The following TCEA3 variants were observed in gnomAD, a reference collection of about 807,000 sequenced individuals.
The protein encoded by TCEA3 is transcription elongation factor A3, also known as transcription elongation factor A protein 3.
TCEA3 carries 36 observed loss-of-function variants against 44.0 expected under a neutral mutation model. That is an observed-to-expected ratio of 0.82 (90% confidence interval 0.63 to 1.08). TCEA3 has a LOEUF of 1.08. Among genes scored for constraint, TCEA3 ranks in the 50% least tolerant of loss-of-function variants. The pLI is 0.00. For synonymous variants in TCEA3, 162 were observed against 159.7 expected (o/e 1.01, Z -0.11); for missense variants, 392 against 441.2 (o/e 0.89, Z 1.00).
intron 5 of TCEA3, among the ~76,000 whole-genome samples, chr1:23,407,702 C>T (rs555978583): frequency 6.6e-6 from 1 of 152,214 alleles, no homozygotes; most frequent in Non-Finnish European, 1.5e-5. Context: ...CTGAACTTTA[C>T]CTGTCTCCCC....
chr1:23,415,115 C>T (rs570141558), intron 4 of TCEA3, among the ~76,000 whole-genome samples: 2 of 148,540 alleles, frequency 1.3e-5, no homozygotes, highest in African/African-American at 2.5e-5. Context: ...CCTCTGCTCC[C>T]GGGTTCAAGT....
rs1369359960 is a variant in TCEA3 at position 23,417,893 on chromosome 1, T to C, written c.238+11A>G. On this transcript the variant is annotated intron_variant, in intron 3 of 10. Coordinates refer to ENST00000450454, the MANE Select transcript of TCEA3 (RefSeq NM_003196.3). ...AAAAACAGGGCTCAAGACAACCTTGTCCTCTCTCACCTAGCAGCCGCTTCC... is the reference window on the plus strand; with the variant it reads ...AAAAACAGGGCTCAAGACAACCTTGCCCTCTCTCACCTAGCAGCCGCTTCC... 3 of 1,613,300 alleles carry C rather than the reference T, an allele frequency of 1.9e-6. No homozygotes were observed. In the African/African-American group the frequency reaches 4.0e-5, roughly 22 times the overall value.
chr1:23,424,235 T>C (rs961931641), intron 1 of TCEA3, among the ~76,000 whole-genome samples: 7 of 134,764 alleles, frequency 5.2e-5, no homozygotes, highest in Admixed American at 8.1e-5. Flanking sequence ...CCCAAAGTCC[T>C]TTCCCACGTC....
intron 7 of TCEA3, among the ~76,000 whole-genome samples, chr1:23,395,553 T>C (rs1489040641): frequency 6.6e-6 from 1 of 152,042 alleles, no homozygotes. Flanking sequence ...AGGCTGGGGG[T>C]GGTGGCTCAC....
Position 23,397,914 on chromosome 1 carries a change from G to C in TCEA3, c.485C>G (p.Pro162Arg). The change falls in exon 6 of 11, where the codon CCT becomes CGT. Residue 162 changes from proline (P) to arginine (R), a missense_variant. Pro to Arg is a moderately radical substitution (Grantham distance 103). Transcript: ENST00000450454. ...SKSKAESPKT[P>R]SSPLTPTFAS... ...AAACGTGGGGGTCAAGGGGCTGCTA[G>C]GTGTTTTGGGGCTCTCCGCTTTTGA... is the stretch of plus-strand genomic sequence containing the variant. The C allele has an allele frequency of 1.2e-6, 2 of 1,613,778 alleles. No individual in the cohort carries two copies. Among genetic ancestry groups the C allele is most frequent in the Non-Finnish European group, 1.7e-6 (2 of 1,179,840 alleles).
Position 23,397,873 on chromosome 1 carries a change from G to A in TCEA3, c.526C>T (p.Leu176Phe). Reference sequence around the variant, plus strand: ...CCTGTGAGATAGCAGGGGGCCAGGAGACACATGGAAGAGGCAAACGTGGGG... The same window carrying A: ...CCTGTGAGATAGCAGGGGGCCAGGAAACACATGGAAGAGGCAAACGTGGGG... ...LTPTFASSMC[L>F]LAPCYLTGDS... The change falls in exon 6 of 11, where the codon CTC (leucine) becomes TTC (phenylalanine). Residue 176 changes from leucine (L) to phenylalanine (F), a missense_variant. By Grantham distance (22) the Leu-to-Phe change is conservative. Coordinates refer to ENST00000450454, the MANE Select transcript of TCEA3 (RefSeq NM_003196.3). 6.2e-7 allele frequency: 1 copy of A among 1,613,942 alleles called. No homozygotes were observed. The highest frequency in any genetic ancestry group is 8.5e-7 in the Non-Finnish European group (1 of 1,179,864).
Position 23,419,043 on chromosome 1 carries a change from G to A in TCEA3, c.132+34C>T, listed in dbSNP as rs549546599. On this transcript the variant is annotated intron_variant, in intron 2 of 10. Coordinates refer to ENST00000450454, the MANE Select transcript of TCEA3 (RefSeq NM_003196.3). ...CCCTCCCCCACCAGCTCTCCCCCCAGGCACTGTCCCAAGGCTTCCCACCCC... is the reference window on the plus strand; with the variant it reads ...CCCTCCCCCACCAGCTCTCCCCCCAAGCACTGTCCCAAGGCTTCCCACCCC... 114 of 335,158 alleles carry A rather than the reference G, an allele frequency of 3.4e-4. 2 individuals carry two copies. In the African/African-American group the frequency reaches 5.7e-3, roughly 17 times the overall value. The allele number at this position is 335,158 out of a possible 1,614,324, so 20.8% of individuals were successfully genotyped here. A position where few individuals can be genotyped will look rare whatever the true frequency, so the allele number is the denominator to read the frequency against.
intron 8 of TCEA3, among the ~76,000 whole-genome samples, chr1:23,392,476 CACA>C (rs1432862025): frequency 2.9e-3 from 6 of 2,058 alleles, no homozygotes; most frequent in African/African-American, 5.5e-3. Flanking sequence ...TCATACACAC[CACA>C]CACTCCACAC....
intron 5 of TCEA3, among the ~76,000 whole-genome samples, chr1:23,406,428 C>T (rs1302129489): frequency 6.6e-6 from 1 of 152,146 alleles, no homozygotes; most frequent in Non-Finnish European, 1.5e-5. Context: ...CCCATGGACC[C>T]TAATCGTTCT....
chr1:23,419,040 C>T (rs751413768), intron 2 of TCEA3, 37 bp downstream of exon 2: 3 of 1,255,582 alleles, frequency 2.4e-6, no homozygotes, highest in African/African-American at 1.5e-5. Flanking sequence ...AGCTCTCCCC[C>T]CAGGCACTGT....
intron 3 of TCEA3, 100 bp from the exon 4 acceptor site, chr1:23,417,490 G>C (rs984242107): frequency 1.4e-6 from 2 of 1,470,032 alleles, no homozygotes; most frequent in African/African-American, 1.4e-5. Context: ...GACGAGGACA[G>C]CTGCACACAC....
chr1:23,410,796 A>C (rs1437850272), intron 4 of TCEA3: 2 of 152,250 alleles, frequency 1.3e-5, no homozygotes, highest in African/African-American at 4.8e-5. Flanking sequence ...GGGAGACTCC[A>C]TCTCAAAAGA....
chr1:23,398,029 C>G, intron 5 of TCEA3, 74 bp from the exon 6 acceptor site: 1 of 1,540,348 alleles, frequency 6.5e-7, no homozygotes, highest in Middle Eastern at 1.7e-4. Context: ...TTCTAGATGT[C>G]TTGATGGATG....
chr1:23,419,169 G>T (rs767400805), intron 1 of TCEA3, 30 bp from the exon 2 acceptor site: 14 of 1,557,618 alleles, frequency 9.0e-6, no homozygotes, highest in African/African-American at 2.7e-5. Context: ...GAGGACTGGG[G>T]CCTGGGTCCT....
chr1:23,414,328 G>A (rs904712420), intron 4 of TCEA3, among the ~76,000 whole-genome samples: 7 of 152,084 alleles, frequency 4.6e-5, no homozygotes, highest in African/African-American at 1.7e-4. Flanking sequence ...CTGACCTCAT[G>A]ATCTGCCCGC....
At chr1:23,399,144 G>GTATGTATA (rs1553167291) in intron 5 of TCEA3, among the ~76,000 whole-genome samples, 14 of 61,168 alleles carry the variant, frequency 2.3e-4, no homozygotes, top group Non-Finnish European at 3.5e-4. Context: ...ATGTATATAT[G>GTATGTATA]TATATATATA....
In TCEA3 at chr1:23,387,362, G is replaced by A. The variant is rs760740856; in HGVS notation, c.877C>T (p.Arg293Cys). 13 of 1,612,938 alleles carry A rather than the reference G, an allele frequency of 8.1e-6. No individual in the cohort carries two copies. The highest frequency in any genetic ancestry group is 1.3e-5 in the African/African-American group (1 of 74,902). ...CCAGTCTTGGCCATCTGGTGCTCACGGATGGCCTCCTGGGTCATGGCATTC... is the reference window on the plus strand; with the variant it reads ...CCAGTCTTGGCCATCTGGTGCTCACAGATGGCCTCCTGGGTCATGGCATTC... ...LRNAMTQEAI[R>C]EHQMAKTGGT... Residue 293 changes from arginine to cysteine, a missense_variant, in exon 9 of 11, where the codon CGT becomes TGT. By Grantham distance (180) the Arg-to-Cys change is radical. Transcript: ENST00000450454.
intron 2 of TCEA3, among the ~76,000 whole-genome samples, 190 bp downstream of exon 2, chr1:23,418,887 C>T (rs1255631380): frequency 6.6e-6 from 1 of 151,854 alleles, no homozygotes; most frequent in East Asian, 1.9e-4. Flanking sequence ...AGAAGATACC[C>T]TCTCCGCCCC....
At chr1:23,416,428 T>C (rs1639890980) in intron 4 of TCEA3, among the ~76,000 whole-genome samples, 1 of 152,208 alleles carries the variant, frequency 6.6e-6, no homozygotes. Context: ...CAATTCAGAT[T>C]TAAAATTTTT....
Sources: gnomAD v4.1 joint callset for allele counts (sites outside exome capture counted in the v4.1 genomes callset) on GRCh38, gnomAD v4.1.1 for gene constraint, MANE v1.5 for transcripts, NCBI Gene and HGNC (gene_info 2026-07-23, HGNC 2026-07-21) for gene names.